WWOX: variants seen among roughly 807,000 people sequenced by gnomAD.
WWOX encodes the protein WW domain-containing oxidoreductase.
WWOX carries 69 observed loss-of-function variants against 46.2 expected under a neutral mutation model. The observed-to-expected ratio is 1.49, with a 90% CI of 1.23 to 1.82. The LOEUF (loss-of-function observed/expected upper bound fraction) is 1.82. Ranked by LOEUF, WWOX falls within the 40% of genes most tolerant of loss-of-function variation. The probability of loss-of-function intolerance (pLI) is 0.00; values close to 1 mark genes in which losing one functional copy is unlikely to be tolerated. For missense variants in WWOX, 919 were observed against 542.6 expected (o/e 1.69, Z -6.89); for synonymous variants, 359 against 202.6 (o/e 1.77, Z -6.56).
At chr16:79,094,541 C>T (rs137945515) in intron 8 of WWOX, among the ~76,000 whole-genome samples, 337 of 152,238 alleles carry the variant, frequency 2.2e-3, no homozygotes, top group African/African-American at 7.3e-3. Context: ...TGTGAGCCAC[C>T]GCACCAGGCC....
intron 8 of WWOX, among the ~76,000 whole-genome samples, chr16:79,055,756 A>G (rs2048250405): frequency 6.6e-6 from 1 of 152,208 alleles, no homozygotes; most frequent in Non-Finnish European, 1.5e-5. Context: ...GAATCAGCCT[A>G]TTTTATGGCA....
intron 8 of WWOX, among the ~76,000 whole-genome samples, chr16:78,776,163 T>C (rs534229928): frequency 3.3e-5 from 5 of 152,124 alleles, no homozygotes; most frequent in Non-Finnish European, 7.3e-5. Context: ...AAAAAATGAT[T>C]CTGCATTCAT....
intron 4 of WWOX, among the ~76,000 whole-genome samples, chr16:78,152,769 A>G (rs117183325): frequency 6.6e-6 from 1 of 152,250 alleles, no homozygotes; most frequent in Non-Finnish European, 1.5e-5. Context: ...CATGCAGTCA[A>G]CTGGGATTTA....
chr16:78,783,673 T>A (rs1016055450), intron 8 of WWOX, among the ~76,000 whole-genome samples: 1 of 152,176 alleles, frequency 6.6e-6, no homozygotes, highest in Non-Finnish European at 1.5e-5. Flanking sequence ...AAATGTCTTC[T>A]GAATAAAAGT....
intron 8 of WWOX, among the ~76,000 whole-genome samples, chr16:78,866,248 T>C (rs958818541): frequency 6.6e-6 from 1 of 152,082 alleles, no homozygotes; most frequent in Non-Finnish European, 1.5e-5. Flanking sequence ...GCCCGCAGTT[T>C]CATGAATGCC....
rs560482607 is a variant in WWOX, at chr16:78,445,399, C to G, written c.1056+12647C>G. On this transcript the variant is annotated intron_variant, in intron 8 of 8. Transcript: ENST00000566780. Reference sequence around the variant, plus strand: ...TCATTCAACAAATATTATTGAGCATCTAACATAAGCCGGGTGCTTTGCTAG... The same window carrying G: ...TCATTCAACAAATATTATTGAGCATGTAACATAAGCCGGGTGCTTTGCTAG... Among the ~76,000 whole-genome samples the G allele has an allele frequency of 2.6e-5, 4 of 152,296 alleles. No individual in the cohort carries two copies. The East Asian group carries it at 7.7e-4, about 29-fold the overall frequency.
chr16:78,549,015 T>C (rs974335075), intron 8 of WWOX, among the ~76,000 whole-genome samples: 1 of 152,204 alleles, frequency 6.6e-6, no homozygotes, highest in Non-Finnish European at 1.5e-5. Context: ...CTTTTAAACA[T>C]CATACTTTTA....
rs185325463 is a variant in WWOX, at chr16:78,632,004, A to T, written c.1056+199252A>T. ...TCGGAAAAATAAAACAAAGTTGACA[A>T]CCTGATTTCAGACCTCCCAATTTTT... On this transcript the variant is annotated intron_variant, in intron 8 of 8. Coordinates refer to ENST00000566780, the MANE Select transcript of WWOX (RefSeq NM_016373.4). Among the ~76,000 whole-genome samples, 323 of 149,102 alleles carry T rather than the reference A, an allele frequency of 2.2e-3. 2 individuals are homozygous for T. The highest frequency in any genetic ancestry group is 0.019 in the South Asian group (90 of 4,734).
chr16:79,163,296 G>A (rs539667974), intron 8 of WWOX, among the ~76,000 whole-genome samples: 2 of 152,172 alleles, frequency 1.3e-5, no homozygotes, highest in Non-Finnish European at 2.9e-5. Flanking sequence ...AAACATCCAA[G>A]CATTGAAAAC....
intron 5 of WWOX, among the ~76,000 whole-genome samples, chr16:78,248,617 T>A (rs745574732): frequency 4.6e-5 from 7 of 152,132 alleles, no homozygotes; most frequent in Non-Finnish European, 7.4e-5. Flanking sequence ...ATACCTGTAG[T>A]CACAGCTACT....
intron 8 of WWOX, among the ~76,000 whole-genome samples, chr16:78,559,943 A>C (rs1393855538): frequency 6.6e-6 from 1 of 152,118 alleles, no homozygotes; most frequent in Non-Finnish European, 1.5e-5. Flanking sequence ...CTTCTCCTGA[A>C]TCTACGTTTT....
intron 6 of WWOX, among the ~76,000 whole-genome samples, chr16:78,419,444 G>A (rs2082872288): frequency 6.6e-6 from 1 of 151,920 alleles, no homozygotes; most frequent in Non-Finnish European, 1.5e-5. Context: ...TAGATCTATA[G>A]ATAATAAAAT....
At chr16:78,775,460 G>T (rs537497529) in intron 8 of WWOX, among the ~76,000 whole-genome samples, 26 of 152,200 alleles carry the variant, frequency 1.7e-4, no homozygotes, top group African/African-American at 4.8e-4. Flanking sequence ...GAGATACCCA[G>T]ACTCATTTCT....
At chr16:79,143,582 A>T (rs940686985) in intron 8 of WWOX, among the ~76,000 whole-genome samples, 16 of 152,332 alleles carry the variant, frequency 1.1e-4, no homozygotes, top group African/African-American at 3.8e-4. Flanking sequence ...TAGAAAAAAT[A>T]GTTTTAGGGA....
chr16:78,428,020 A>C (rs2083127907), intron 7 of WWOX, among the ~76,000 whole-genome samples: 1 of 152,086 alleles, frequency 6.6e-6, no homozygotes, highest in African/African-American at 2.4e-5. Context: ...GTGAGTGGAG[A>C]TTGCACCAGT....
chr16:79,109,196 A>G, intron 8 of WWOX, among the ~76,000 whole-genome samples: 1 of 152,194 alleles, frequency 6.6e-6, no homozygotes, highest in East Asian at 1.9e-4. Flanking sequence ...AAACTGTACT[A>G]AGCCGAAACG....
At chr16:79,049,032 C>A (rs551947509) in intron 8 of WWOX, among the ~76,000 whole-genome samples, 5 of 152,154 alleles carry the variant, frequency 3.3e-5, no homozygotes, top group Admixed American at 3.3e-4. Context: ...GTGCTAGATA[C>A]CCGAGATACA....
Position 78,989,872 on chromosome 16 carries a change from G to C in WWOX, c.1057-221736G>C, listed in dbSNP as rs575816720. On this transcript the variant is annotated intron_variant, in intron 8 of 8. Coordinates refer to ENST00000566780, the MANE Select transcript of WWOX (RefSeq NM_016373.4). ...TGTGTGTGTGATTGAGAGAGAGAGA[G>C]ACAGATGGAGGGAAAGAGAGGCGGG... Among the ~76,000 whole-genome samples, 4 of 151,214 alleles carry C rather than the reference G, an allele frequency of 2.6e-5. No individual in the cohort carries two copies. The South Asian group carries it at 8.4e-4, about 32-fold the overall frequency.
intron 8 of WWOX, among the ~76,000 whole-genome samples, chr16:79,208,135 G>C (rs2051581390): frequency 6.6e-6 from 1 of 152,098 alleles, no homozygotes; most frequent in South Asian, 2.1e-4. Context: ...AAGAGTCCTG[G>C]GTAATTTTAC....
Sources: gnomAD v4.1 joint callset for allele counts (sites outside exome capture counted in the v4.1 genomes callset) on GRCh38, gnomAD v4.1.1 for gene constraint, MANE v1.5 for transcripts, NCBI Gene and HGNC (gene_info 2026-07-23, HGNC 2026-07-21) for gene names.